Variants in ZNF469 observed in about 807,000 individuals in gnomAD.
ZNF469 encodes zinc finger protein 469.
Under a neutral mutation model 1.0 loss-of-function variants are expected in ZNF469, and 1 was observed. That is an observed-to-expected ratio of 1.00 (90% CI 0.35 to 4.73). The LOEUF (loss-of-function observed/expected upper bound fraction) is 4.73, where lower values mean the gene tolerates loss of function less well. Among genes scored for constraint, ZNF469 ranks in the 30% most tolerant of loss-of-function variants. The probability of loss-of-function intolerance (pLI) is 0.16; values close to 1 mark genes in which losing one functional copy is unlikely to be tolerated. For missense variants in ZNF469, 6,100 were observed against 5,356.3 expected, an observed-to-expected ratio of 1.14 and a Z score of -4.33; for synonymous variants, 2,703 against 2,363.4, an observed-to-expected ratio of 1.14 and a Z score of -4.17.
chr16:88,419,227 G>A (rs1159066337), intron 1 of ZNF469, among the ~76,000 whole-genome samples: 1 of 152,248 alleles, frequency 6.6e-6, no homozygotes, highest in African/African-American at 2.4e-5. Flanking sequence ...AGCCACGGAA[G>A]GGGGGTCAGA....
At position 88,431,267 on chromosome 16, in the gene ZNF469, A is replaced by G; in HGVS notation, c.3797A>G (p.Glu1266Gly). ...GCAAGCCCCGGTCTCCTGATACCAG[A>G]GCAGCCGCCGCCCAGCAGACATGAC... ...MGASPGLLIP[E>G]QPPPSRHDTG... The change falls in exon 3 of 3, where the codon GAG becomes GGG. Residue 1266 changes from glutamate to glycine, a missense_variant. Transcript: ENST00000565624. 2.6e-6 allele frequency: 4 copies of G among 1,550,326 alleles called. No individual in the cohort carries two copies. The highest frequency in any genetic ancestry group is 2.6e-6 in the Non-Finnish European group (3 of 1,146,952).
At position 88,435,345 on chromosome 16, in the gene ZNF469, C is replaced by T. The variant is rs1333417301; in HGVS notation, c.7875C>T (p.Ser2625=). 6.5e-7 allele frequency: 1 copy of T among 1,550,354 alleles called. No homozygotes were observed. Among genetic ancestry groups the T allele is most frequent in the Non-Finnish European group, 8.7e-7 (1 of 1,146,998 alleles). The change falls in exon 3 of 3, where the codon AGC becomes AGT. Residue 2625 remains serine (S), a synonymous_variant. Transcript: ENST00000565624. The part of the protein sequence containing the change: ...WRREPTVDSP[S]HSEGKSNKKR... Reference sequence around the variant, plus strand: ...GAGAGCCCACCGTGGACTCTCCTAGCCACTCAGAGGGGAAGTCAAATAAGA... The same window carrying T: ...GAGAGCCCACCGTGGACTCTCCTAGTCACTCAGAGGGGAAGTCAAATAAGA...
At chr16:88,292,292 G>A in the ZNF469 span, among the ~76,000 whole-genome samples, 1 of 152,182 alleles carries the variant, frequency 6.6e-6, no homozygotes, top group African/African-American at 2.4e-5. Context: ...CGAGGACCAT[G>A]CATTTCCAAC....
chr16:88,288,176 A>G, the ZNF469 span, among the ~76,000 whole-genome samples: 2 of 152,058 alleles, frequency 1.3e-5, no homozygotes, highest in Admixed American at 1.3e-4. Flanking sequence ...ACCGGGGAGT[A>G]TCTGTACCTT....
chr16:88,229,592 G>A, the ZNF469 span, among the ~76,000 whole-genome samples: 1 of 120,394 alleles, frequency 8.3e-6, no homozygotes, highest in Admixed American at 9.1e-5. Context: ...TGTCACGCGT[G>A]TGGATGTCAC....
the ZNF469 span, among the ~76,000 whole-genome samples, chr16:88,256,908 T>TC: frequency 3.9e-5 from 1 of 25,690 alleles, no homozygotes; most frequent in African/African-American, 1.6e-4. Flanking sequence ...CTTTCTTTCT[T>TC]TCTTTCTTTC....
chr16:88,142,764 C>T, the ZNF469 span, among the ~76,000 whole-genome samples: 27 of 152,360 alleles, frequency 1.8e-4, 1 homozygote, highest in South Asian at 3.5e-3. Flanking sequence ...GCAGCTGCGT[C>T]GCTGTGGATC....
At chr16:88,409,036 G>GGGAGATGGGGCT (rs879481019) in intron 1 of ZNF469, among the ~76,000 whole-genome samples, 2 of 152,250 alleles carry the variant, frequency 1.3e-5, no homozygotes, top group African/African-American at 2.4e-5. Context: ...CTAGCTGCAG[G>GGGAGATGGGGCT]GGAGATGGGG....
chr16:88,103,162 G>A, the ZNF469 span, among the ~76,000 whole-genome samples: 3 of 151,440 alleles, frequency 2.0e-5, no homozygotes, highest in Non-Finnish European at 4.4e-5. Flanking sequence ...CCCCTGGGTA[G>A]AGCAGGAACA....
the ZNF469 span, among the ~76,000 whole-genome samples, chr16:88,329,977 T>A: frequency 6.6e-6 from 1 of 152,186 alleles, no homozygotes; most frequent in Non-Finnish European, 1.5e-5. Context: ...GGGCACAGGG[T>A]GCCTGGGTAC....
At chr16:88,260,048 G>C in the ZNF469 span, among the ~76,000 whole-genome samples, 3 of 151,868 alleles carry the variant, frequency 2.0e-5, no homozygotes, top group African/African-American at 7.3e-5. The surrounding 1 kb of genome is among the most constrained non-coding windows in gnomAD (Gnocchi z 4.1). Context: ...TAAGATCTTG[G>C]CTCACTGAAA....
At chr16:88,159,233 G>A in the ZNF469 span, among the ~76,000 whole-genome samples, 58 of 151,642 alleles carry the variant, frequency 3.8e-4, no homozygotes, top group Middle Eastern at 0.01. Context: ...GTCCTGCAGC[G>A]TCTGTCTGTG....
chr16:88,120,455 C>T, the ZNF469 span, among the ~76,000 whole-genome samples: 1 of 152,268 alleles, frequency 6.6e-6, no homozygotes, highest in Non-Finnish European at 1.5e-5. Flanking sequence ...GGAGATGGCG[C>T]GCCCCACCTC....
the ZNF469 span, among the ~76,000 whole-genome samples, chr16:88,370,834 G>A: frequency 1.3e-5 from 2 of 152,250 alleles, no homozygotes; most frequent in Admixed American, 6.5e-5. Context: ...CGATGGGGCA[G>A]TAGCAAGTGC....
the ZNF469 span, among the ~76,000 whole-genome samples, chr16:88,280,662 A>G: frequency 6.6e-6 from 1 of 151,038 alleles, no homozygotes; most frequent in South Asian, 2.1e-4. Flanking sequence ...GTGTTGTGCC[A>G]CACTCAAACT....
At chr16:88,373,829 G>A in the ZNF469 span, among the ~76,000 whole-genome samples, 6 of 152,080 alleles carry the variant, frequency 3.9e-5, no homozygotes, top group East Asian at 3.9e-4. Flanking sequence ...AACCTCCATC[G>A]ACACTAAATA....
At chr16:88,138,125 A>G in the ZNF469 span, among the ~76,000 whole-genome samples, 18 of 152,322 alleles carry the variant, frequency 1.2e-4, no homozygotes, top group African/African-American at 4.3e-4. Flanking sequence ...AGGTGTGTTG[A>G]AACTATCACA....
At chr16:88,122,707 G>C in the ZNF469 span, among the ~76,000 whole-genome samples, 2 of 152,092 alleles carry the variant, frequency 1.3e-5, no homozygotes, top group Non-Finnish European at 2.9e-5. Context: ...ACACATATTT[G>C]TATGCTTTAG....
At chr16:88,283,865 C>A in the ZNF469 span, among the ~76,000 whole-genome samples, 7 of 140,330 alleles carry the variant, frequency 5.0e-5, no homozygotes, top group Admixed American at 1.4e-4. Context: ...GGCTGGTAGA[C>A]CCCCAGTGTG....
Sources: gnomAD v4.1 joint callset for allele counts (sites outside exome capture counted in the v4.1 genomes callset) on GRCh38, gnomAD v4.1.1 for gene constraint, Gnocchi (gnomAD v3.1) non-coding constraint, MANE v1.5 for transcripts, NCBI Gene and HGNC (gene_info 2026-07-23, HGNC 2026-07-21) for gene names.